PAXIP1: variants seen among roughly 807,000 people sequenced by gnomAD.
PAXIP1 encodes PAX-interacting protein 1.
Under a neutral mutation model 140.6 loss-of-function variants are expected in PAXIP1, and 19 were observed. That is an observed-to-expected ratio of 0.14 (90% CI 0.09 to 0.20). The LOEUF is 0.20. PAXIP1 is among the 10% of genes least tolerant of loss of function. The pLI, the probability that PAXIP1 is intolerant of heterozygous loss-of-function variation, is 1.00. For synonymous variants in PAXIP1, 442 were observed against 444.6 expected (o/e 0.99, Z 0.07); for missense variants, 920 against 1,208.6 (o/e 0.76, Z 3.54).
At chr7:155,001,906 A>T (rs1278864620) in intron 1 of PAXIP1, 1 of 152,220 alleles carries the variant, frequency 6.6e-6, no homozygotes, top group African/African-American at 2.4e-5. Context: ...TACACCATCC[A>T]AGTTCATCTG....
chr7:155,002,024 C>T (rs1442197973), intron 1 of PAXIP1: 1 of 152,184 alleles, frequency 6.6e-6, no homozygotes. Context: ...AACTGTACAG[C>T]TAAACTTTTA....
intron 13 of PAXIP1, among the ~76,000 whole-genome samples, chr7:154,959,674 C>A (rs1336786684): frequency 1.3e-5 from 2 of 152,142 alleles, no homozygotes; most frequent in Non-Finnish European, 2.9e-5. Context: ...TGATCTGTAG[C>A]CCCAAGTAGG....
chr7:154,956,202 A>G lies in PAXIP1; in HGVS notation c.2550-571T>C, dbSNP rs1808504352. 6.6e-6 allele frequency among the ~76,000 whole-genome samples: 1 copy of G among 152,162 alleles called. No individual in the cohort carries two copies. The highest frequency in any genetic ancestry group is 2.4e-5 in the African/African-American group (1 of 41,440). On this transcript the variant is annotated intron_variant, in intron 14 of 20. Coordinates refer to ENST00000404141, the MANE Select transcript of PAXIP1 (RefSeq NM_007349.4). The surrounding 1 kb of genome is among the most constrained non-coding windows in gnomAD (Gnocchi z 4.2). ...TTAAACCTTTTTGTTTTTTACATGAATTTTTTAGGTCTTTTTTTCAGGTTA... is the reference window on the plus strand; with the variant it reads ...TTAAACCTTTTTGTTTTTTACATGAGTTTTTTAGGTCTTTTTTTCAGGTTA...
At chr7:154,967,672 C>A (rs1809083839) in intron 8 of PAXIP1, 144 bp downstream of exon 8, 1 of 607,562 alleles carries the variant, frequency 1.6e-6, no homozygotes, top group Non-Finnish European at 2.9e-6. Flanking sequence ...TCAGGTCACA[C>A]AGAATGTTAA....
At position 154,963,014 on chromosome 7, in the gene PAXIP1, T is replaced by C. The variant is rs897800308; in HGVS notation, c.1990-556A>G. Among the ~76,000 whole-genome samples the C allele has an allele frequency of 3.3e-5, 5 of 152,126 alleles. No individual in the cohort carries two copies. The highest frequency in any genetic ancestry group is 1.2e-4 in the African/African-American group (5 of 41,430). On this transcript the variant is annotated intron_variant, in intron 9 of 20. Transcript: ENST00000404141. This position sits in a 1 kb window ranked among gnomAD's most constrained non-coding sequence, Gnocchi z 4.1. The stretch of plus-strand genomic sequence containing the variant: ...CTTCAGAGAGCACAGGAAGGTAATA[T>C]TGAGGAGAAAGCCTGCACCCCGGTA...
Position 154,961,477 on chromosome 7 carries a change from TA to T in PAXIP1, c.2249+49del, listed in dbSNP as rs761325249. ...AAGGCACAATTATTGAAATAGCCAC[TA>T]TATTGTGTGTAAATTTATGATTAAA... On this transcript the variant is annotated intron_variant, in intron 11 of 20. Transcript: ENST00000404141. The T allele has an allele frequency of 2.9e-5, 43 of 1,459,612 alleles. No individual in the cohort carries two copies. In the African/African-American group the frequency reaches 4.9e-4, roughly 17 times the overall value. 90.4% of individuals were successfully genotyped at this position (1,459,612 alleles called of 1,614,324 possible). A position where few individuals can be genotyped will look rare whatever the true frequency, so the allele number is the denominator to read the frequency against.
At chr7:154,990,976 T>C in intron 4 of PAXIP1, 30 bp downstream of exon 4, 2 of 1,401,600 alleles carry the variant, frequency 1.4e-6, no homozygotes, top group Non-Finnish European at 2.0e-6. Flanking sequence ...CACATATAAA[T>C]AACTCAAGAC....
chr7:154,991,786 CT>C (rs965128171), intron 3 of PAXIP1, among the ~76,000 whole-genome samples: 4 of 152,144 alleles, frequency 2.6e-5, no homozygotes, highest in Admixed American at 6.5e-5. Context: ...CAAACAATGA[CT>C]TTTTTTGAAT....
At chr7:154,977,636 A>G (rs1032755217) in intron 5 of PAXIP1, among the ~76,000 whole-genome samples, 1 of 152,234 alleles carries the variant, frequency 6.6e-6, no homozygotes, top group Non-Finnish European at 1.5e-5. Flanking sequence ...GGAGACACCC[A>G]TGAATAAGAA....
intron 20 of PAXIP1, chr7:154,945,998 C>T: frequency 1.0e-6 from 1 of 985,016 alleles, no homozygotes; most frequent in Non-Finnish European, 1.2e-6. Flanking sequence ...TATATACGAA[C>T]TAAATTTCAT....
At position 154,957,277 on chromosome 7, in the gene PAXIP1, G is replaced by T. The variant is rs1266016106; in HGVS notation, c.2496C>A (p.Pro832=). 5 of 1,603,544 alleles carry T rather than the reference G, an allele frequency of 3.1e-6. No individual in the cohort carries two copies. The highest frequency in any genetic ancestry group is 4.3e-6 in the Non-Finnish European group (5 of 1,172,434). Residue 832 remains proline, a synonymous_variant, in exon 14 of 21, where the codon CCC becomes CCA. Coordinates refer to ENST00000404141, the MANE Select transcript of PAXIP1 (RefSeq NM_007349.4). ...TAGCTACTTCATTCTGTTTCAGTTT[G>T]GGAGGTAGTCTTATACTCTGCAATT... The part of the protein sequence containing the change: ...AELLMSIRLP[P]KLKQNEVANV...
Position 154,956,954 on chromosome 7 carries a change from C to G in PAXIP1, c.2549+270G>C, listed in dbSNP as rs1808542592. ...GGGTTCTAGACCTCCCACCCCACTT[C>G]CACCACTGCAACTTCTGTTTTACAT... On this transcript the variant is annotated intron_variant, in intron 14 of 20. Coordinates refer to ENST00000404141, the MANE Select transcript of PAXIP1 (RefSeq NM_007349.4). The surrounding 1 kb of genome is among the most constrained non-coding windows in gnomAD (Gnocchi z 4.2). 3.4e-6 allele frequency: 1 copy of G among 292,590 alleles called. No individual in the cohort carries two copies. Among genetic ancestry groups the G allele is most frequent in the African/African-American group, 2.2e-5 (1 of 45,138 alleles). 18.1% of individuals were successfully genotyped at this position (292,590 alleles called of 1,614,324 possible). A position where few individuals can be genotyped will look rare whatever the true frequency, so the allele number is the denominator to read the frequency against.
rs368695616 is a variant in PAXIP1 at position 154,975,935 on chromosome 7, G to A, written c.835C>T (p.Arg279Cys). 3.3e-5 allele frequency: 54 copies of A among 1,613,758 alleles called. No homozygotes were observed. Among genetic ancestry groups the A allele is most frequent in the Admixed American group, 2.5e-4 (15 of 59,994 alleles). ...GGCTCCTTTCCCTGAGGCAGCCTGC[G>A]TTTTGCTGCAGCTAACTGTGGGACT... ...AEVPQLAAAKRRLPQGKEPGL... is the reference protein window; with the variant it reads ...AEVPQLAAAKCRLPQGKEPGL... The change falls in exon 6 of 21, where the codon CGC (arginine) becomes TGC (cysteine). Residue 279 changes from arginine (R) to cysteine (C), a missense_variant. Coordinates refer to ENST00000404141, the MANE Select transcript of PAXIP1 (RefSeq NM_007349.4).
At position 154,993,739 on chromosome 7, in the gene PAXIP1, C is replaced by T. The variant is rs1292223809; in HGVS notation, c.247G>A (p.Gly83Arg). The T allele has an allele frequency of 6.3e-7, 1 of 1,593,156 alleles. No homozygotes were observed. Among genetic ancestry groups the T allele is most frequent in the Non-Finnish European group, 8.5e-7 (1 of 1,170,200 alleles). Residue 83 changes from glycine (G) to arginine (R), a missense_variant, in exon 3 of 21, where the codon GGA becomes AGA. Gly to Arg is a moderately radical substitution (Grantham distance 125). This residue lies in a region of PAXIP1 where 419 missense variants were observed against 514.7 expected (regional missense o/e 0.81). Coordinates refer to ENST00000404141, the MANE Select transcript of PAXIP1 (RefSeq NM_007349.4). ...AAAAAAGGATACGGCAGAAGAGTTC[C>T]ACACTGAACGGACAGAATCACCCAA... is the stretch of plus-strand genomic sequence containing the variant. ...PSWVILSVQC[G>R]TLLPVNGFSP...
rs1434583723 is a variant in PAXIP1 at position 154,946,961 on chromosome 7, A to G, written c.2923-148T>C. ...GGTACTATTCTCCTACTAGCACTCA[A>G]TCTGAAGTGGAAGAGGAATCCAGCT... On this transcript the variant is annotated intron_variant, in intron 17 of 20. Coordinates refer to ENST00000404141, the MANE Select transcript of PAXIP1 (RefSeq NM_007349.4). The surrounding 1 kb of genome is among the most constrained non-coding windows in gnomAD (Gnocchi z 4.9). The G allele has an allele frequency of 7.1e-6, 4 of 566,112 alleles. No individual in the cohort carries two copies. The highest frequency in any genetic ancestry group is 3.8e-5 in the African/African-American group (2 of 53,146). 35.1% of individuals were successfully genotyped at this position (566,112 alleles called of 1,614,324 possible).
At chr7:154,960,802 G>A in intron 12 of PAXIP1, 91 bp downstream of exon 12, 1 of 903,468 alleles carries the variant, frequency 1.1e-6, no homozygotes, top group East Asian at 2.9e-5. Context: ...GCTCAAGCCA[G>A]GCCTGGTAAT....
intron 2 of PAXIP1, among the ~76,000 whole-genome samples, chr7:154,998,134 T>G (rs937120169): frequency 6.6e-6 from 1 of 152,196 alleles, no homozygotes; most frequent in African/African-American, 2.4e-5. Flanking sequence ...CTACCTTGGT[T>G]TAGCTGAAAG....
At chr7:154,975,081 C>T (rs545173822) in intron 6 of PAXIP1, among the ~76,000 whole-genome samples, 76 of 149,682 alleles carry the variant, frequency 5.1e-4, no homozygotes, top group Middle Eastern at 3.5e-3. Context: ...CATTTGAACC[C>T]GGGAGGTGGA....
intron 2 of PAXIP1, among the ~76,000 whole-genome samples, chr7:154,994,482 A>C (rs2150785480): frequency 6.6e-6 from 1 of 152,130 alleles, no homozygotes; most frequent in South Asian, 2.1e-4. Context: ...CTCACTACCC[A>C]CCCATCAATT....
Sources: gnomAD v4.1 joint callset for allele counts (sites outside exome capture counted in the v4.1 genomes callset) on GRCh38, gnomAD v4.1.1 for gene constraint, gnomAD v4.1.1 regional missense constraint, Gnocchi (gnomAD v3.1) non-coding constraint, MANE v1.5 for transcripts, NCBI Gene and HGNC (gene_info 2026-07-23, HGNC 2026-07-21) for gene names.